Variants in ADNP2 observed in about 807,000 individuals in gnomAD.
ADNP2 encodes the protein ADNP homeobox 2, also known as activity-dependent neuroprotector homeobox protein 2.
ADNP2 carries 8 observed loss-of-function variants against 16.4 expected under a neutral mutation model. The observed-to-expected ratio is 0.49, with a 90% CI of 0.29 to 0.88. The LOEUF (loss-of-function observed/expected upper bound fraction) is 0.88. ADNP2 is among the 40% of genes least tolerant of loss of function. ADNP2 has a pLI of 0.09. For missense variants in ADNP2, 1,397 were observed against 1,395.1 expected (o/e 1.00, Z -0.02); for synonymous variants, 637 against 545.8 (o/e 1.17, Z -2.33).
chr18:80,111,360 G>A (rs1212860906), intron 1 of ADNP2, among the ~76,000 whole-genome samples: 1 of 152,084 alleles, frequency 6.6e-6, no homozygotes, highest in African/African-American at 2.4e-5. Flanking sequence ...TACTCGCCCT[G>A]TTTTACAGAA....
chr18:80,135,887 A>G lies in ADNP2; in HGVS notation c.474A>G (p.Leu158=), dbSNP rs766822487. The G allele has an allele frequency of 1.2e-5, 19 of 1,614,144 alleles. No homozygotes were observed. In the Admixed American group the frequency reaches 1.8e-4, roughly 16 times the overall value. The change falls in exon 4 of 4, where the codon CTA becomes CTG. Residue 158 remains leucine (L), a synonymous_variant. Coordinates refer to ENST00000262198, the MANE Select transcript of ADNP2 (RefSeq NM_014913.4). ...SRSDVISFTC[L]KCNFSNTLYY... ...GCGATGTGATAAGTTTCACATGTCTAAAATGTAACTTTTCAAACACTTTGT... is the reference window on the plus strand; with the variant it reads ...GCGATGTGATAAGTTTCACATGTCTGAAATGTAACTTTTCAAACACTTTGT...
chr18:80,129,678 C>T (rs181641465), intron 2 of ADNP2, among the ~76,000 whole-genome samples: 29 of 152,304 alleles, frequency 1.9e-4, no homozygotes, highest in Admixed American at 1.9e-3. Flanking sequence ...ATATGATGTT[C>T]TATGCTTCTT....
intron 2 of ADNP2, among the ~76,000 whole-genome samples, chr18:80,124,571 C>A (rs1421512170): frequency 6.6e-6 from 1 of 152,184 alleles, no homozygotes; most frequent in Non-Finnish European, 1.5e-5. Context: ...TCCATGAGTC[C>A]ATCTATCCAG....
chr18:80,117,603 G>T lies in ADNP2; in HGVS notation c.61G>T (p.Gly21Cys). ...NIRKVRKKVK[G>C]ILVDIGLDSC... ...CAGAAAGGTGCGAAAAAAGGTGAAA[G>T]GTATTCTTGTGGATATTGGGCTTGA... is the stretch of plus-strand genomic sequence containing the variant. The change falls in exon 2 of 4, where the codon GGT becomes TGT. Residue 21 changes from glycine to cysteine, a missense_variant. By Grantham distance (159) the Gly-to-Cys change is radical (BLOSUM62 -3). Transcript: ENST00000262198. The T allele has an allele frequency of 6.2e-7, 1 of 1,607,300 alleles. No homozygotes were observed. Among genetic ancestry groups the T allele is most frequent in the Middle Eastern group, 1.7e-4 (1 of 6,044 alleles).
chr18:80,136,531 C>G lies in ADNP2; in HGVS notation c.1118C>G (p.Pro373Arg). The stretch of plus-strand genomic sequence containing the variant: ...CAGTCTGTGAATCCTCCTGTGTTGC[C>G]CTTGAGTCAGCCAGTCGGACCTGTC... ...LHQSVNPPVL[P>R]LSQPVGPVNK... The change falls in exon 4 of 4, where the codon CCC (proline) becomes CGC (arginine). Residue 373 changes from proline to arginine, a missense_variant. Pro to Arg is a moderately radical substitution (Grantham distance 103). Transcript: ENST00000262198. 1 of 1,614,238 alleles carries G rather than the reference C, an allele frequency of 6.2e-7. No homozygotes were observed. Among genetic ancestry groups the G allele is most frequent in the Non-Finnish European group, 8.5e-7 (1 of 1,180,052 alleles).
intron 1 of ADNP2, among the ~76,000 whole-genome samples, chr18:80,111,219 A>G (rs1333306464): frequency 6.6e-6 from 1 of 152,232 alleles, no homozygotes; most frequent in Non-Finnish European, 1.5e-5. Flanking sequence ...CTTTTTAAAA[A>G]GTCCTGTATT....
At chr18:80,120,434 T>A (rs1378883700) in intron 2 of ADNP2, among the ~76,000 whole-genome samples, 2 of 151,432 alleles carry the variant, frequency 1.3e-5, no homozygotes, top group Non-Finnish European at 1.5e-5. Context: ...TGGGCTCAGA[T>A]GATCCTCCTA....
At chr18:80,118,287 G>A (rs1019011252) in intron 2 of ADNP2, among the ~76,000 whole-genome samples, 59 of 152,082 alleles carry the variant, frequency 3.9e-4, no homozygotes, top group African/African-American at 1.4e-3. Flanking sequence ...AATTAGCTGG[G>A]TGTGGTGGCG....
intron 2 of ADNP2, among the ~76,000 whole-genome samples, chr18:80,128,233 T>C (rs1008110450): frequency 2.0e-5 from 3 of 152,244 alleles, no homozygotes; most frequent in Non-Finnish European, 4.4e-5. Context: ...TCCTAGTGTT[T>C]ATGCTTATTT....
chr18:80,117,574 A>T lies in ADNP2; in HGVS notation c.32A>T (p.Asn11Ile), dbSNP rs769149653. ...CAAATTCCTGTGGAAAATCTTGACA[A>T]CATCAGAAAGGTGCGAAAAAAGGTG... Reference protein sequence around the residue: MFQIPVENLDNIRKVRKKVKG... With the variant: MFQIPVENLDIIRKVRKKVKG... Residue 11 changes from asparagine to isoleucine, a missense_variant, in exon 2 of 4, where the codon AAC (asparagine) becomes ATC (isoleucine). Coordinates refer to ENST00000262198, the MANE Select transcript of ADNP2 (RefSeq NM_014913.4). The T allele has an allele frequency of 6.3e-7, 1 of 1,597,058 alleles. No homozygotes were observed. Among genetic ancestry groups the T allele is most frequent in the South Asian group, 1.1e-5 (1 of 87,644 alleles).
chr18:80,120,176 A>G (rs147213759), intron 2 of ADNP2, among the ~76,000 whole-genome samples: 113 of 152,324 alleles, frequency 7.4e-4, no homozygotes, highest in African/African-American at 2.6e-3. Flanking sequence ...TCCATGTCCC[A>G]TCAGAGTTCA....
At position 80,117,578 on chromosome 18, in the gene ADNP2, C is replaced by T. The variant is rs187728646; in HGVS notation, c.36C>T (p.Ile12=). The T allele has an allele frequency of 1.9e-6, 3 of 1,601,900 alleles. No individual in the cohort carries two copies. The highest frequency in any genetic ancestry group is 2.7e-5 in the African/African-American group (2 of 74,172). ...FQIPVENLDN[I]RKVRKKVKGI... is the part of the protein sequence containing the mutation. ...TTCCTGTGGAAAATCTTGACAACAT[C>T]AGAAAGGTGCGAAAAAAGGTGAAAG... is the stretch of plus-strand genomic sequence containing the variant. Residue 12 remains isoleucine, a synonymous_variant, in exon 2 of 4, where the codon ATC becomes ATT. Transcript: ENST00000262198.
chr18:80,118,431 CA>C (rs34136413), intron 2 of ADNP2, among the ~76,000 whole-genome samples: 27,211 of 134,810 alleles, frequency 0.2, 2,612 homozygotes, highest in Middle Eastern at 0.28. Context: ...GACTCTGTCT[CA>C]AAAAAAAAAA....
In ADNP2 at chr18:80,136,836, G is replaced by T. The variant is rs1287632537; in HGVS notation, c.1423G>T (p.Val475Phe). ...VIPGQTATSG[V>F]LPTGQMVQSG... ...CCCTGGGCAAACAGCAACTTCTGGG[G>T]TTCTTCCTACTGGCCAGATGGTCCA... The change falls in exon 4 of 4, where the codon GTT becomes TTT. Residue 475 changes from valine (V) to phenylalanine (F), a missense_variant. Val to Phe is a conservative substitution (Grantham distance 50). Coordinates refer to ENST00000262198, the MANE Select transcript of ADNP2 (RefSeq NM_014913.4). 4.3e-6 allele frequency: 7 copies of T among 1,614,066 alleles called. No homozygotes were observed. Among genetic ancestry groups the T allele is most frequent in the Non-Finnish European group, 5.9e-6 (7 of 1,180,000 alleles).
At chr18:80,132,961 T>A in intron 2 of ADNP2, 142 bp from the exon 3 acceptor site, 1 of 638,124 alleles carries the variant, frequency 1.6e-6, no homozygotes, top group South Asian at 1.8e-5. Context: ...CCTCAAGTGA[T>A]CCACCCTCCT....
Position 80,130,539 on chromosome 18 carries a change from A to G in ADNP2, c.109-2564A>G, listed in dbSNP as rs151319357. Among the ~76,000 whole-genome samples, 1,215 of 152,360 alleles carry G rather than the reference A, an allele frequency of 8.0e-3. 35 individuals are homozygous for G. The highest frequency in any genetic ancestry group is 0.066 in the Admixed American group (1,017 of 15,312). ...CAACTCAGAGAAAAAGAAGAAAAGT[A>G]ATCTTGGGCCACATGGACTTTACAA... On this transcript the variant is annotated intron_variant, in intron 2 of 3. Transcript: ENST00000262198.
Position 80,138,485 on chromosome 18 carries a change from C to A in ADNP2, c.3072C>A (p.Ser1024Arg). 1 of 1,614,078 alleles carries A rather than the reference C, an allele frequency of 6.2e-7. No individual in the cohort carries two copies. The highest frequency in any genetic ancestry group is 1.3e-5 in the African/African-American group (1 of 75,020). ...VVPFKRQRNE[S>R]RTEGPIVKDE... is the part of the protein sequence containing the mutation. ...CTTTTAAAAGACAAAGGAATGAAAG[C>A]AGAACAGAGGGACCTATTGTCAAGG... The change falls in exon 4 of 4, where the codon AGC becomes AGA. Residue 1024 changes from serine to arginine, a missense_variant. Physicochemically the swap from Ser to Arg is moderately radical, Grantham distance 110. Around this residue, in one of 3 missense-constraint regions of ADNP2, gnomAD observed 611 missense variants for 648.7 expected, o/e 0.94. Transcript: ENST00000262198.
At chr18:80,125,658 AAAAAT>A (rs1851287504) in intron 2 of ADNP2, among the ~76,000 whole-genome samples, 1 of 151,984 alleles carries the variant, frequency 6.6e-6, no homozygotes, top group South Asian at 2.1e-4. Flanking sequence ...AAAAATAAAA[AAAAAT>A]AGCCAGGTGT....
Position 80,132,951 on chromosome 18 carries a change from C to T in ADNP2, c.109-152C>T, listed in dbSNP as rs1422237811. The T allele has an allele frequency of 1.1e-5, 7 of 609,334 alleles. No homozygotes were observed. In the Admixed American group the frequency reaches 2.3e-4, roughly 20 times the overall value. 37.7% of individuals were successfully genotyped at this position (609,334 alleles called of 1,614,324 possible). The stretch of plus-strand genomic sequence containing the variant: ...GGCCAGGCTGGTCTCGACCTCCTGG[C>T]CTCAAGTGATCCACCCTCCTCAACC... On this transcript the variant is annotated intron_variant, in intron 2 of 3. Coordinates refer to ENST00000262198, the MANE Select transcript of ADNP2 (RefSeq NM_014913.4).
Sources: allele counts gnomAD v4.1 joint callset (sites outside exome capture counted in the v4.1 genomes callset), GRCh38; gene constraint gnomAD v4.1.1; regional missense constraint gnomAD v4.1.1; transcripts MANE v1.5; gene names NCBI Gene and HGNC (gene_info 2026-07-23, HGNC 2026-07-21).